The following CHD9 variants were observed in gnomAD, a reference collection of about 807,000 sequenced individuals.
CHD9 encodes chromodomain helicase DNA binding protein 9, also known as ATP-dependent chromatin remodeler CHD9.
A neutral mutation model predicts 316.1 loss-of-function variants in CHD9; 77 were observed. The observed-to-expected ratio is 0.24, with a 90% CI of 0.20 to 0.29. CHD9 has a LOEUF of 0.29. CHD9 is among the 10% of genes least tolerant of loss of function. The probability of loss-of-function intolerance (pLI) is 1.00; values close to 1 mark genes in which losing one functional copy is unlikely to be tolerated. For missense variants in CHD9, 2,763 were observed against 3,438.1 expected, an observed-to-expected ratio of 0.80 and a Z score of 4.91; for synonymous variants, 1,129 against 1,158.3, an observed-to-expected ratio of 0.97 and a Z score of 0.51.
At chr16:53,179,928 A>G (rs2043364782) in intron 2 of CHD9, among the ~76,000 whole-genome samples, 1 of 151,692 alleles carries the variant, frequency 6.6e-6, no homozygotes, top group Non-Finnish European at 1.5e-5. Context: ...TAAGCATGGC[A>G]TACAGATTTT....
At chr16:53,106,293 C>T (rs1253956153) in intron 1 of CHD9, among the ~76,000 whole-genome samples, 1 of 152,134 alleles carries the variant, frequency 6.6e-6, no homozygotes, top group Non-Finnish European at 1.5e-5. Context: ...TGTGTTCTGA[C>T]CTTGAAGCCA....
chr16:53,139,959 T>C (rs2039979919), intron 1 of CHD9, among the ~76,000 whole-genome samples: 1 of 150,556 alleles, frequency 6.6e-6, no homozygotes, highest in African/African-American at 2.4e-5. Flanking sequence ...ATTAGCCAAG[T>C]GTGGTGGTGC....
chr16:53,231,556 C>T (rs1597545528), intron 9 of CHD9, 51 bp downstream of exon 9: 1 of 1,389,088 alleles, frequency 7.2e-7, no homozygotes, highest in Non-Finnish European at 1.0e-6. Context: ...TGAAACTTTC[C>T]AAGTATTAAG....
At chr16:53,173,834 G>A (rs143849898) in intron 2 of CHD9, among the ~76,000 whole-genome samples, 2,498 of 152,056 alleles carry the variant, frequency 0.016, 82 homozygotes, top group African/African-American at 0.057. Flanking sequence ...GTGAGCCACC[G>A]TGCCCAGCCA....
chr16:53,225,525 ATAT>A (rs1182196364), intron 4 of CHD9, among the ~76,000 whole-genome samples: 1 of 152,164 alleles, frequency 6.6e-6, no homozygotes, highest in African/African-American at 2.4e-5. Context: ...TTTGAAACAA[ATAT>A]TAGATATTTA....
At chr16:53,290,243 C>G (rs944251505) in intron 27 of CHD9, among the ~76,000 whole-genome samples, 1 of 152,090 alleles carries the variant, frequency 6.6e-6, no homozygotes, top group East Asian at 1.9e-4. Flanking sequence ...CACTGCACTC[C>G]TGGGTGATAG....
intron 2 of CHD9, among the ~76,000 whole-genome samples, chr16:53,180,620 G>C (rs1348858438): frequency 1.3e-5 from 2 of 152,034 alleles, no homozygotes; most frequent in African/African-American, 2.4e-5. Flanking sequence ...GCACCACTCT[G>C]ATCTCTATTA....
At chr16:53,271,608 A>G (rs1240436474) in intron 22 of CHD9, among the ~76,000 whole-genome samples, 1 of 151,854 alleles carries the variant, frequency 6.6e-6, no homozygotes, top group Non-Finnish European at 1.5e-5. Context: ...AAAAAAAAAC[A>G]TTAAAATGAA....
Position 53,308,678 on chromosome 16 carries a change from T to C in CHD9, c.7054-8T>C, listed in dbSNP as rs753274478. The stretch of plus-strand genomic sequence containing the variant: ...GTTTCTGTCTTAATAATGGTATTTG[T>C]TTAACAGGAAGGTGGTTTGAAGTTG... On this transcript the variant is annotated splice_polypyrimidine_tract_variant and splice_region_variant and intron_variant, in intron 33 of 38. Coordinates refer to ENST00000447540, the MANE Select transcript of CHD9 (RefSeq NM_001308319.2). 3 of 1,604,922 alleles carry C rather than the reference T, an allele frequency of 1.9e-6. No homozygotes were observed. The African/African-American group carries it at 4.0e-5, about 21-fold the overall frequency.
At chr16:53,063,020 C>A (rs1386595922) in intron 1 of CHD9, among the ~76,000 whole-genome samples, 1 of 151,538 alleles carries the variant, frequency 6.6e-6, no homozygotes, top group Non-Finnish European at 1.5e-5. Flanking sequence ...AACTCCGTCT[C>A]AAAAAAATAA....
At chr16:53,244,017 T>A (rs764960513) in intron 13 of CHD9, among the ~76,000 whole-genome samples, 1 of 152,202 alleles carries the variant, frequency 6.6e-6, no homozygotes, top group Non-Finnish European at 1.5e-5. Flanking sequence ...TTTGCTGCCA[T>A]ATACATAATG....
At chr16:53,202,125 G>T (rs575711853) in intron 2 of CHD9, among the ~76,000 whole-genome samples, 21 of 152,164 alleles carry the variant, frequency 1.4e-4, no homozygotes, top group African/African-American at 5.1e-4. Flanking sequence ...GCCTCCCAAA[G>T]TTCTGGGATT....
intron 20 of CHD9, among the ~76,000 whole-genome samples, chr16:53,263,493 T>A (rs2051345024): frequency 6.6e-6 from 1 of 152,152 alleles, no homozygotes; most frequent in Admixed American, 6.5e-5. Flanking sequence ...TGGCATTTTT[T>A]AAACTGCTTC....
In CHD9 at chr16:53,231,634, A is replaced by C. The variant is rs769881393; in HGVS notation, c.2374-13A>C. 21 of 1,554,384 alleles carry C rather than the reference A, an allele frequency of 1.4e-5. No homozygotes were observed. Among genetic ancestry groups the C allele is most frequent in the Non-Finnish European group, 1.7e-5 (20 of 1,148,998 alleles). On this transcript the variant is annotated splice_polypyrimidine_tract_variant and intron_variant, in intron 9 of 38. Transcript: ENST00000447540. ...TCTTTTTCAAAATGGTAAATGAAAA[A>C]ATTTTTTTACAGCCTGTTATTTACT...
At position 53,314,608 on chromosome 16, in the gene CHD9, C is replaced by G. The variant is rs545640787; in HGVS notation, c.7362+92C>G. The G allele has an allele frequency of 1.2e-4, 136 of 1,133,954 alleles. No homozygotes were observed. In the Middle Eastern group the frequency reaches 3.2e-3, roughly 26 times the overall value. 70.2% of individuals were successfully genotyped at this position (1,133,954 alleles called of 1,614,324 possible). On this transcript the variant is annotated intron_variant, in intron 35 of 38. Coordinates refer to ENST00000447540, the MANE Select transcript of CHD9 (RefSeq NM_001308319.2). ...TATTGTTTTGTGAATGTTTTATAGA[C>G]TATTAGTAAGGAAATTAGAAGTATG...
chr16:53,204,045 A>AT (rs1567471929), intron 2 of CHD9, among the ~76,000 whole-genome samples: 77 of 85,832 alleles, frequency 9.0e-4, no homozygotes, highest in African/African-American at 3.1e-3. Context: ...AAAAAAAAAA[A>AT]AAAATATATA....
chr16:53,305,151 T>C (rs1028213554), intron 31 of CHD9, among the ~76,000 whole-genome samples: 4 of 152,102 alleles, frequency 2.6e-5, no homozygotes, highest in Admixed American at 1.3e-4. Context: ...AACCTCTGTC[T>C]CCCAGGTTCA....
At chr16:53,158,925 C>G (rs904200744) in intron 2 of CHD9, among the ~76,000 whole-genome samples, 1 of 152,188 alleles carries the variant, frequency 6.6e-6, no homozygotes, top group Non-Finnish European at 1.5e-5. Flanking sequence ...ACGTGAGACA[C>G]TCTGCCCAGT....
chr16:53,178,125 T>C (rs1178768642), intron 2 of CHD9, among the ~76,000 whole-genome samples: 1 of 152,138 alleles, frequency 6.6e-6, no homozygotes, highest in East Asian at 1.9e-4. Context: ...CTGGAGCATG[T>C]TCCATAAGAT....
Sources: allele counts gnomAD v4.1 joint callset (sites outside exome capture counted in the v4.1 genomes callset), GRCh38; gene constraint gnomAD v4.1.1; transcripts MANE v1.5; gene names NCBI Gene and HGNC (gene_info 2026-07-23, HGNC 2026-07-21).